Variants in PDE8B observed in about 807,000 individuals in gnomAD.
The protein encoded by PDE8B is high affinity cAMP-specific and IBMX-insensitive 3',5'-cyclic phosphodiesterase 8B.
A neutral mutation model predicts 101.3 loss-of-function variants in PDE8B; 26 were observed. The ratio of observed to expected loss-of-function variants is 0.26; its 90% CI spans 0.19 to 0.36. PDE8B has a LOEUF of 0.36. Among genes scored for constraint, PDE8B ranks in the 10% least tolerant of loss-of-function variants. PDE8B has a pLI of 1.00. For missense variants in PDE8B, 810 were observed against 1,163.1 expected, an observed-to-expected ratio of 0.70 and a Z score of 4.42; for synonymous variants, 424 against 429.3, an observed-to-expected ratio of 0.99 and a Z score of 0.15.
intron 1 of PDE8B, among the ~76,000 whole-genome samples, chr5:77,218,975 C>A (rs1180309768): frequency 1.3e-5 from 2 of 152,174 alleles, no homozygotes; most frequent in Non-Finnish European, 2.9e-5. Flanking sequence ...CAAAGCCTTG[C>A]AAACTGCTGC....
At chr5:77,272,072 A>C (rs550567062) in intron 1 of PDE8B, among the ~76,000 whole-genome samples, 3 of 152,288 alleles carry the variant, frequency 2.0e-5, no homozygotes, top group African/African-American at 7.2e-5. Context: ...CCCTGGTCTA[A>C]ACTTCTGCCC....
intron 1 of PDE8B, among the ~76,000 whole-genome samples, chr5:77,224,973 T>G (rs10474491): frequency 0.19 from 28,785 of 151,864 alleles, 3,251 homozygotes; most frequent in African/African-American, 0.3. Flanking sequence ...CTTTTTTTTT[T>G]GGGGAAGACT....
Position 77,311,975 on chromosome 5 carries a change from T to C in PDE8B, c.340-19T>C, listed in dbSNP as rs1466786732. The C allele has an allele frequency of 6.2e-7, 1 of 1,607,496 alleles. No individual in the cohort carries two copies. On this transcript the variant is annotated intron_variant, in intron 1 of 21. Transcript: ENST00000264917. ...GTAGTTTAAGACTTGACGCTTCTCTTGTGCTGTCCTTTATTTAGCAGGTGT... is the reference window on the plus strand; with the variant it reads ...GTAGTTTAAGACTTGACGCTTCTCTCGTGCTGTCCTTTATTTAGCAGGTGT...
chr5:77,383,798 T>C (rs1291021011), intron 10 of PDE8B, among the ~76,000 whole-genome samples: 2 of 152,204 alleles, frequency 1.3e-5, no homozygotes, highest in Non-Finnish European at 2.9e-5. Flanking sequence ...TGTAGATATG[T>C]AGTGTTATTT....
At chr5:77,399,298 T>C (rs1791736031) in intron 10 of PDE8B, among the ~76,000 whole-genome samples, 1 of 152,222 alleles carries the variant, frequency 6.6e-6, no homozygotes, top group South Asian at 2.1e-4. Flanking sequence ...TAATCAGAAG[T>C]CAACATGGTG....
At chr5:77,348,851 T>C (rs1243240624) in intron 7 of PDE8B, among the ~76,000 whole-genome samples, 1 of 152,016 alleles carries the variant, frequency 6.6e-6, no homozygotes, top group Non-Finnish European at 1.5e-5. Flanking sequence ...ACTGGCTAAT[T>C]TTTTTATTTT....
chr5:77,166,226 T>TAAAAAAAAAAAA, the PDE8B span, among the ~76,000 whole-genome samples: 1 of 116,368 alleles, frequency 8.6e-6, no homozygotes, highest in Non-Finnish European at 1.7e-5. Context: ...TCGGTAAAGA[T>TAAAAAAAAAAAA]AAAAAAAAAA....
At chr5:77,188,850 G>A in the PDE8B span, among the ~76,000 whole-genome samples, 6 of 152,100 alleles carry the variant, frequency 3.9e-5, no homozygotes, top group South Asian at 2.1e-4. Context: ...TCTTGCTTCC[G>A]TACCAGTTCA....
intron 1 of PDE8B, among the ~76,000 whole-genome samples, chr5:77,230,402 G>A (rs1239328123): frequency 6.6e-6 from 1 of 152,172 alleles, no homozygotes; most frequent in Non-Finnish European, 1.5e-5. Context: ...AATCCCCTGT[G>A]GGGCCCTATC....
At chr5:77,328,850 C>T in intron 3 of PDE8B, 148 bp from the exon 4 acceptor site, 1 of 727,838 alleles carries the variant, frequency 1.4e-6, no homozygotes. Context: ...ACAAGGGCAT[C>T]TTTCTTTGTT....
intron 10 of PDE8B, among the ~76,000 whole-genome samples, chr5:77,373,057 C>T (rs1471645844): frequency 3.3e-5 from 5 of 151,402 alleles, no homozygotes; most frequent in Non-Finnish European, 5.9e-5. Context: ...TGTAGTGTAA[C>T]CTCTCTTTCA....
the PDE8B span, chr5:77,139,138 G>A: frequency 6.6e-6 from 1 of 152,276 alleles, no homozygotes; most frequent in Non-Finnish European, 1.5e-5. Flanking sequence ...AGAACACAGA[G>A]GTCTTGGGTC....
At chr5:77,307,710 A>T (rs1468750398) in intron 1 of PDE8B, among the ~76,000 whole-genome samples, 1 of 152,142 alleles carries the variant, frequency 6.6e-6, no homozygotes, top group Non-Finnish European at 1.5e-5. Context: ...TACGAATGTT[A>T]TACAGCACAG....
At chr5:77,109,220 G>A in the PDE8B span, among the ~76,000 whole-genome samples, 6 of 152,152 alleles carry the variant, frequency 3.9e-5, no homozygotes, top group African/African-American at 1.2e-4. Flanking sequence ...TCTCCCCCTT[G>A]GGGTTGAATG....
At chr5:77,210,644 G>C (rs113618822), upstream of PDE8B, 1 of 982,030 alleles carries the variant, frequency 1.0e-6, no homozygotes, top group Non-Finnish European at 1.2e-6. This position sits in a 1 kb window ranked among gnomAD's most constrained non-coding sequence, Gnocchi z 4.9. Flanking sequence ...GCGCCGCGGC[G>C]GGGAGGGTGG....
chr5:77,166,913 C>T, the PDE8B span: 1 of 152,174 alleles, frequency 6.6e-6, no homozygotes, highest in South Asian at 2.1e-4. Context: ...CCCCAAAGAC[C>T]ACTCTTTTCC....
the PDE8B span, among the ~76,000 whole-genome samples, chr5:77,131,762 G>A: frequency 6.6e-6 from 1 of 152,166 alleles, no homozygotes; most frequent in Non-Finnish European, 1.5e-5. Flanking sequence ...AGGAGTTGAA[G>A]TGATCTTAAC....
the PDE8B span, among the ~76,000 whole-genome samples, chr5:77,123,211 G>T: frequency 6.6e-6 from 1 of 152,074 alleles, no homozygotes; most frequent in Non-Finnish European, 1.5e-5. Context: ...TCTCTGCAGA[G>T]TCCCGAGGTG....
At chr5:77,120,164 C>T in the PDE8B span, among the ~76,000 whole-genome samples, 1 of 152,050 alleles carries the variant, frequency 6.6e-6, no homozygotes, top group Non-Finnish European at 1.5e-5. Flanking sequence ...GTGAAAAAAG[C>T]CTTACGCAAA....
Sources: allele counts gnomAD v4.1 joint callset (sites outside exome capture counted in the v4.1 genomes callset), GRCh38; gene constraint gnomAD v4.1.1; non-coding constraint Gnocchi (gnomAD v3.1); transcripts MANE v1.5; gene names NCBI Gene and HGNC (gene_info 2026-07-23, HGNC 2026-07-21).